Variants in TENM2 observed in about 807,000 individuals in gnomAD.
TENM2 encodes teneurin transmembrane protein 2.
Under a neutral mutation model 245.2 loss-of-function variants are expected in TENM2, and 52 were observed. That is an observed-to-expected ratio of 0.21 (90% CI 0.17 to 0.27). TENM2 has a LOEUF of 0.27. Among genes scored for constraint, TENM2 ranks in the 10% least tolerant of loss-of-function variants. The pLI is 1.00. For synonymous variants in TENM2, 1,363 were observed against 1,438.9 expected (o/e 0.95, Z 1.19); for missense variants, 3,046 against 3,666.8 (o/e 0.83, Z 4.37).
At chr5:166,984,509 A>G in the TENM2 span, among the ~76,000 whole-genome samples, 1 of 152,282 alleles carries the variant, frequency 6.6e-6, no homozygotes, top group Non-Finnish European at 1.5e-5. Flanking sequence ...AATAGAAATG[A>G]TTTTTGGCAG....
chr5:168,048,711 A>T (rs1257215891), intron 6 of TENM2, among the ~76,000 whole-genome samples: 1 of 152,166 alleles, frequency 6.6e-6, no homozygotes, highest in African/African-American at 2.4e-5. Context: ...CACATTAGTC[A>T]TCCTGAGATG....
the TENM2 span, among the ~76,000 whole-genome samples, chr5:167,234,791 C>T: frequency 1.3e-5 from 2 of 152,164 alleles, no homozygotes; most frequent in African/African-American, 2.4e-5. Context: ...TATGATGGAA[C>T]AGAGAATGAA....
the TENM2 span, among the ~76,000 whole-genome samples, chr5:167,224,684 G>A: frequency 6.6e-6 from 1 of 151,532 alleles, no homozygotes; most frequent in Non-Finnish European, 1.5e-5. Flanking sequence ...ATTTATTTTT[G>A]TTCAGTACAA....
chr5:168,257,467 G>C lies in TENM2; in HGVS notation c.7433-2816G>C, dbSNP rs567554490. On this transcript the variant is annotated intron_variant, in intron 27 of 28. Transcript: ENST00000518659. ...TATTCAAAGAACAGCACAGAGGCAG[G>C]AGCGAGGGAGAGCATGGGAGATGTG... Among the ~76,000 whole-genome samples the C allele has an allele frequency of 2.6e-5, 4 of 152,324 alleles. No individual in the cohort carries two copies. The East Asian group carries it at 5.8e-4, about 22-fold the overall frequency.
At chr5:167,466,848 C>T (rs1028700018) in intron 2 of TENM2, among the ~76,000 whole-genome samples, 7 of 152,220 alleles carry the variant, frequency 4.6e-5, no homozygotes, top group African/African-American at 1.7e-4. Flanking sequence ...GGTCTCCCCA[C>T]GTACTAATAC....
chr5:167,049,507 G>A, the TENM2 span, among the ~76,000 whole-genome samples: 135 of 152,248 alleles, frequency 8.9e-4, 1 homozygote, highest in Middle Eastern at 3.4e-3. Flanking sequence ...ACTTTTAAAA[G>A]AACTGTGTAT....
In TENM2 at chr5:168,219,824, CAAAAAAAA is replaced by C. The variant is rs70976468; in HGVS notation, c.5108+843_5108+850del. Among the ~76,000 whole-genome samples, 47 of 49,818 alleles carry C rather than the reference CAAAAAAAA, an allele frequency of 9.4e-4. 1 individual carries two copies. Among genetic ancestry groups the C allele is most frequent in the African/African-American group, 4.0e-3 (44 of 11,106 alleles). 32.7% of individuals were successfully genotyped at this position (49,818 alleles called of 152,430 possible). A position where few individuals can be genotyped will look rare whatever the true frequency, so the allele number is the denominator to read the frequency against. ...GTTAAGTTAGGGAGAGTTGGCACAG[CAAAAAAAA>C]AAAAAAAAAAAAAAAAAGCGGGGGA... is the stretch of plus-strand genomic sequence containing the variant. On this transcript the variant is annotated intron_variant, in intron 23 of 28. Transcript: ENST00000518659.
At chr5:167,302,573 A>C (rs1755403399) in intron 1 of TENM2, among the ~76,000 whole-genome samples, 1 of 150,896 alleles carries the variant, frequency 6.6e-6, no homozygotes, top group African/African-American at 2.4e-5. Flanking sequence ...CGTGGAAATA[A>C]GGGATGGGGC....
At chr5:167,512,717 A>T (rs1340319859) in intron 2 of TENM2, among the ~76,000 whole-genome samples, 1 of 152,242 alleles carries the variant, frequency 6.6e-6, no homozygotes. Context: ...TCCATTGCCC[A>T]CAAGTGACAC....
chr5:167,066,259 G>A, the TENM2 span, among the ~76,000 whole-genome samples: 1 of 152,150 alleles, frequency 6.6e-6, no homozygotes, highest in Non-Finnish European at 1.5e-5. Context: ...CAAGGAGTAG[G>A]ATGGGGCATC....
At chr5:167,301,168 GAGA>G (rs1285794544) in intron 1 of TENM2, among the ~76,000 whole-genome samples, 1 of 152,206 alleles carries the variant, frequency 6.6e-6, no homozygotes, top group Non-Finnish European at 1.5e-5. Flanking sequence ...CCGCTAAGCC[GAGA>G]AGATCTGGGA....
the TENM2 span, among the ~76,000 whole-genome samples, chr5:167,020,397 C>T: frequency 6.6e-6 from 1 of 152,288 alleles, no homozygotes; most frequent in East Asian, 1.9e-4. Context: ...GAGATGTTTG[C>T]AGATATGGAT....
chr5:167,167,073 G>A, the TENM2 span, among the ~76,000 whole-genome samples: 1 of 152,208 alleles, frequency 6.6e-6, no homozygotes, highest in Non-Finnish European at 1.5e-5. Context: ...AAAATGCTTG[G>A]CCGAGAAGTT....
chr5:167,983,883 A>G (rs914839190), intron 4 of TENM2, among the ~76,000 whole-genome samples: 3 of 152,152 alleles, frequency 2.0e-5, no homozygotes, highest in East Asian at 1.9e-4. Flanking sequence ...TTCATTCAAC[A>G]CATATTTTAA....
intron 2 of TENM2, among the ~76,000 whole-genome samples, chr5:167,626,703 G>A (rs538458335): frequency 2.0e-5 from 3 of 152,264 alleles, no homozygotes; most frequent in African/African-American, 7.2e-5. Flanking sequence ...AATCTAAAAA[G>A]CACTCGAAAA....
At chr5:168,104,677 GGCATCTGAAGACATCCTT>G (rs1794102953) in intron 9 of TENM2, among the ~76,000 whole-genome samples, 1 of 152,130 alleles carries the variant, frequency 6.6e-6, no homozygotes, top group African/African-American at 2.4e-5. Flanking sequence ...GTCTGCATCA[GGCATCTGAAGACATCCTT>G]GCAGTGAATG....
intron 2 of TENM2, among the ~76,000 whole-genome samples, chr5:167,704,906 G>A (rs1758402163): frequency 1.3e-5 from 2 of 152,180 alleles, no homozygotes; most frequent in South Asian, 2.1e-4. Flanking sequence ...AGGTCTGCTG[G>A]AGTGTGTGTA....
At chr5:167,469,533 G>A (rs1490640065) in intron 2 of TENM2, among the ~76,000 whole-genome samples, 1 of 152,036 alleles carries the variant, frequency 6.6e-6, no homozygotes, top group Non-Finnish European at 1.5e-5. Flanking sequence ...TTGTTATTGT[G>A]TATAACCTTT....
intron 2 of TENM2, 40 bp from the exon 5 acceptor site, chr5:167,875,946 A>G: frequency 7.1e-7 from 1 of 1,417,140 alleles, no homozygotes; most frequent in South Asian, 1.2e-5. Flanking sequence ...CTCTCGTGAC[A>G]CTCATTGCTG....
Sources: gnomAD v4.1 joint callset for allele counts (sites outside exome capture counted in the v4.1 genomes callset) on GRCh38, gnomAD v4.1.1 for gene constraint, MANE v1.5 for transcripts, NCBI Gene and HGNC (gene_info 2026-07-23, HGNC 2026-07-21) for gene names.